Variants in RAB33B observed in about 807,000 individuals in gnomAD.
RAB33B encodes the protein ras-related protein Rab-33B.
A neutral mutation model predicts 15.0 loss-of-function variants in RAB33B; 6 were observed. The observed-to-expected ratio is 0.40, with a 90% CI of 0.22 to 0.79. The LOEUF (loss-of-function observed/expected upper bound fraction) is 0.79, where lower values mean the gene tolerates loss of function less well. Among genes scored for constraint, RAB33B ranks in the 30% least tolerant of loss-of-function variants. RAB33B has a pLI of 0.37. For missense variants in RAB33B, 257 were observed against 296.4 expected (o/e 0.87, Z 0.98); for synonymous variants, 117 against 108.3 (o/e 1.08, Z -0.50).
chr4:139,460,290 A>G (rs996644688), intron 1 of RAB33B, among the ~76,000 whole-genome samples: 3 of 152,218 alleles, frequency 2.0e-5, no homozygotes, highest in African/African-American at 7.2e-5. Context: ...ATTGGCAGCT[A>G]CAAATACCGG....
At chr4:139,444,131 A>G in the RAB33B span, among the ~76,000 whole-genome samples, 1 of 152,210 alleles carries the variant, frequency 6.6e-6, no homozygotes, top group African/African-American at 2.4e-5. Flanking sequence ...TGGTGGAAGG[A>G]ACACAGAGTT....
chr4:139,461,695 C>T (rs34804108), intron 1 of RAB33B, among the ~76,000 whole-genome samples: 17,004 of 152,090 alleles, frequency 0.11, 1,301 homozygotes, highest in Non-Finnish European at 0.16. Flanking sequence ...ATTTTTTCCT[C>T]TAAGGTGATA....
chr4:139,464,941 C>A (rs1343327238), intron 1 of RAB33B, among the ~76,000 whole-genome samples: 1 of 152,152 alleles, frequency 6.6e-6, no homozygotes, highest in Non-Finnish European at 1.5e-5. Flanking sequence ...ATTTCTAGTT[C>A]TAGATCCTTG....
chr4:139,473,072 T>G lies in RAB33B; in HGVS notation c.636T>G (p.Asp212Glu). 6.2e-7 allele frequency: 1 copy of G among 1,613,892 alleles called. No homozygotes were observed. ...HKPLMLSQPPDNGIILKPEPK... is the reference protein window; with the variant it reads ...HKPLMLSQPPENGIILKPEPK... ...CATTAATGCTTAGTCAGCCCCCTGA[T>G]AATGGAATTATCCTGAAGCCTGAAC... Residue 212 changes from aspartate (D) to glutamate (E), a missense_variant, in exon 2 of 2, where the codon GAT (aspartate) becomes GAG (glutamate). Asp to Glu is a conservative substitution (Grantham distance 45). Coordinates refer to ENST00000305626, the MANE Select transcript of RAB33B (RefSeq NM_031296.3).
chr4:139,453,966 C>G, upstream of RAB33B: 1 of 408,476 alleles, frequency 2.4e-6, no homozygotes, highest in South Asian at 5.5e-5. Flanking sequence ...TGACGCCTGG[C>G]GTGTGGCCGC....
chr4:139,446,873 C>T, the RAB33B span, among the ~76,000 whole-genome samples: 1 of 152,188 alleles, frequency 6.6e-6, no homozygotes, highest in Admixed American at 6.5e-5. Flanking sequence ...CAACACTGAG[C>T]CCTCGAAATG....
chr4:139,472,734 G>A lies in RAB33B; in HGVS notation c.298G>A (p.Val100Ile). 6.2e-7 allele frequency: 1 copy of A among 1,613,164 alleles called. No homozygotes were observed. The highest frequency in any genetic ancestry group is 8.5e-7 in the Non-Finnish European group (1 of 1,179,154). ...ACAAGAACGATTCAGAAAGAGCATG[G>A]TTCAGCACTACTACAGAAATGTACA... ...AGQERFRKSMVQHYYRNVHAV... is the reference protein window; with the variant it reads ...AGQERFRKSMIQHYYRNVHAV... The change falls in exon 2 of 2, where the codon GTT (valine) becomes ATT (isoleucine). Residue 100 changes from valine (V) to isoleucine (I), a missense_variant. Val to Ile is a conservative substitution (Grantham distance 29). Transcript: ENST00000305626.
upstream of RAB33B, chr4:139,451,147 C>G (rs542906920): frequency 2.0e-5 from 3 of 152,106 alleles, no homozygotes; most frequent in Non-Finnish European, 4.4e-5. Flanking sequence ...GATCCACCCT[C>G]CTCGGCCTCC....
chr4:139,473,385 G>A lies in RAB33B; in HGVS notation c.*259G>A. On this transcript the variant is annotated 3_prime_UTR_variant, in exon 2 of 2. Transcript: ENST00000305626. ...ATCTCTCCATCTAGAGCCCAATGAA[G>A]GAAGCTTCAAATGAGAACATGATGG... The A allele has an allele frequency of 2.3e-6, 1 of 439,758 alleles. No individual in the cohort carries two copies. Among genetic ancestry groups the A allele is most frequent in the Non-Finnish European group, 4.0e-6 (1 of 248,548 alleles). The allele number at this position is 439,758 out of a possible 1,614,324, so 27.2% of individuals were successfully genotyped here. A position where few individuals can be genotyped will look rare whatever the true frequency, so the allele number is the denominator to read the frequency against.
intron 1 of RAB33B, among the ~76,000 whole-genome samples, chr4:139,467,889 A>T (rs890236258): frequency 2.7e-5 from 4 of 150,816 alleles, no homozygotes; most frequent in Admixed American, 1.3e-4. Flanking sequence ...TTATTTATTT[A>T]AAAATATACA....
Position 139,454,327 on chromosome 4 carries a change from G to A in RAB33B, c.132G>A (p.Val44=), listed in dbSNP as rs1168343111. 6.2e-6 allele frequency: 10 copies of A among 1,614,032 alleles called. No homozygotes were observed. Among genetic ancestry groups the A allele is most frequent in the Non-Finnish European group, 8.5e-6 (10 of 1,180,026 alleles). The change falls in exon 1 of 2, where the codon GTG becomes GTA. Residue 44 remains valine, a synonymous_variant. Coordinates refer to ENST00000305626, the MANE Select transcript of RAB33B (RefSeq NM_031296.3). The stretch of plus-strand genomic sequence containing the variant: ...TAATCGTGATCGGCGACTCCAATGT[G>A]GGCAAGACATGCCTGACCTACCGCT... ...FKIIVIGDSN[V]GKTCLTYRFC...
the RAB33B span, among the ~76,000 whole-genome samples, chr4:139,447,054 C>A: frequency 6.6e-6 from 1 of 152,200 alleles, no homozygotes; most frequent in African/African-American, 2.4e-5. Flanking sequence ...TATCTGTGGA[C>A]TCACAGAATG....
intron 1 of RAB33B, among the ~76,000 whole-genome samples, chr4:139,457,020 C>T (rs1750082993): frequency 6.6e-6 from 1 of 152,136 alleles, no homozygotes; most frequent in Admixed American, 6.5e-5. Context: ...AGCTGGAAAG[C>T]TCTATTACTT....
rs569466319 is a variant in RAB33B at position 139,476,347 on chromosome 4, G to A, written c.*3221G>A. 6.6e-6 allele frequency: 1 copy of A among 152,188 alleles called. No individual in the cohort carries two copies. The highest frequency in any genetic ancestry group is 1.5e-5 in the Non-Finnish European group (1 of 68,032). 9.4% of individuals were successfully genotyped at this position (152,188 alleles called of 1,614,324 possible). A position where few individuals can be genotyped will look rare whatever the true frequency, so the allele number is the denominator to read the frequency against. The stretch of plus-strand genomic sequence containing the variant: ...ACACCATAGGATTAGGGATGTGGGG[G>A]CCTCTGATGTTGATTCTGCTTCCCC... On this transcript the variant is annotated 3_prime_UTR_variant, in exon 2 of 2. Transcript: ENST00000305626.
At chr4:139,466,505 A>G (rs116440692) in intron 1 of RAB33B, among the ~76,000 whole-genome samples, 2 of 152,322 alleles carry the variant, frequency 1.3e-5, no homozygotes, top group Non-Finnish European at 2.9e-5. Flanking sequence ...TAGCTTTTAT[A>G]TAGGTCATCC....
the RAB33B span, among the ~76,000 whole-genome samples, chr4:139,443,771 G>A: frequency 6.6e-6 from 1 of 152,064 alleles, no homozygotes; most frequent in African/African-American, 2.4e-5. Flanking sequence ...TCCCCATCCC[G>A]GGTAGCAAGT....
At chr4:139,470,827 TCTAGGAGGTAAGGC>T in intron 1 of RAB33B, among the ~76,000 whole-genome samples, 1 of 151,884 alleles carries the variant, frequency 6.6e-6, no homozygotes, top group Non-Finnish European at 1.5e-5. Flanking sequence ...AGAAATGTCG[TCTAGGAGGTAAGGC>T]CTGGAATGAG....
intron 1 of RAB33B, among the ~76,000 whole-genome samples, chr4:139,462,971 G>T (rs1186931455): frequency 2.0e-5 from 3 of 152,146 alleles, no homozygotes; most frequent in African/African-American, 7.2e-5. Context: ...TTCGAGACCA[G>T]CCTGGGTAAC....
At position 139,472,772 on chromosome 4, in the gene RAB33B, C is replaced by T. The variant is rs142541603; in HGVS notation, c.336C>T (p.Phe112=). The change falls in exon 2 of 2, where the codon TTC becomes TTT. Residue 112 remains phenylalanine (F), a synonymous_variant. Transcript: ENST00000305626. The part of the protein sequence containing the change: ...HYYRNVHAVV[F]VYDMTNMASF... ...ACAGAAATGTACATGCTGTTGTCTTCGTGTATGATATGACCAACATGGCTA... is the reference window on the plus strand; with the variant it reads ...ACAGAAATGTACATGCTGTTGTCTTTGTGTATGATATGACCAACATGGCTA... The T allele has an allele frequency of 2.8e-4, 444 of 1,613,970 alleles. 2 individuals carry two copies. Among genetic ancestry groups the T allele is most frequent in the South Asian group, 8.6e-4 (78 of 91,076 alleles).
Sources: gnomAD v4.1 joint callset for allele counts (sites outside exome capture counted in the v4.1 genomes callset) on GRCh38, gnomAD v4.1.1 for gene constraint, MANE v1.5 for transcripts, NCBI Gene and HGNC (gene_info 2026-07-23, HGNC 2026-07-21) for gene names.